Variants in ALKBH8 observed in about 807,000 individuals in gnomAD.
The protein encoded by ALKBH8 is tRNA (carboxymethyluridine(34)-5-O)-methyltransferase ALKBH8.
In ALKBH8, 36 loss-of-function variants were observed where a neutral mutation model predicts 59.8. The observed-to-expected ratio is 0.60, with a 90% CI of 0.46 to 0.79. The LOEUF (loss-of-function observed/expected upper bound fraction) is 0.79, where lower values mean the gene tolerates loss of function less well. Ranked by LOEUF, ALKBH8 falls within the 30% of genes least tolerant of loss-of-function variation. The pLI, the probability that ALKBH8 is intolerant of heterozygous loss-of-function variation, is 0.00. For missense variants in ALKBH8, 768 were observed against 801.0 expected, an observed-to-expected ratio of 0.96 and a Z score of 0.50; for synonymous variants, 276 against 273.6, an observed-to-expected ratio of 1.01 and a Z score of -0.09.
At chr11:107,561,428 G>A (rs77687672) in intron 1 of ALKBH8, among the ~76,000 whole-genome samples, 8,716 of 151,930 alleles carry the variant, frequency 0.057, 771 homozygotes, top group African/African-American at 0.19. Context: ...TCAGGAGAGA[G>A]GCTATTTCTG....
intron 4 of ALKBH8, among the ~76,000 whole-genome samples, chr11:107,553,514 C>G (rs11212281): frequency 0.037 from 5,556 of 152,164 alleles, 147 homozygotes; most frequent in Middle Eastern, 0.071. Flanking sequence ...CCAGGAAGCT[C>G]TCACTATATT....
At chr11:107,544,068 C>T (rs1864153776) in intron 7 of ALKBH8, among the ~76,000 whole-genome samples, 1 of 152,164 alleles carries the variant, frequency 6.6e-6, no homozygotes, top group African/African-American at 2.4e-5. Context: ...TTCATCTATA[C>T]CACTTAAGCG....
intron 6 of ALKBH8, among the ~76,000 whole-genome samples, chr11:107,550,586 C>T (rs1192930640): frequency 2.6e-5 from 4 of 152,178 alleles, no homozygotes; most frequent in Admixed American, 6.5e-5. Flanking sequence ...TCAGTTGTCT[C>T]GCTGTGCTAG....
intron 7 of ALKBH8, among the ~76,000 whole-genome samples, chr11:107,533,612 C>T (rs989805632): frequency 1.3e-5 from 2 of 152,058 alleles, no homozygotes; most frequent in Non-Finnish European, 1.5e-5. Context: ...TGAAAGCATT[C>T]GAAACACCGG....
At chr11:107,512,398 C>T (rs1862673201) in intron 10 of ALKBH8, among the ~76,000 whole-genome samples, 2 of 152,102 alleles carry the variant, frequency 1.3e-5, no homozygotes, top group South Asian at 2.1e-4. Flanking sequence ...ACGGCAGCCT[C>T]CACCTCCCAG....
At chr11:107,552,010 T>TA in intron 5 of ALKBH8, 98 bp from the exon 6 acceptor site, 1 of 570,170 alleles carries the variant, frequency 1.8e-6, no homozygotes. Context: ...TCTCTGAGCT[T>TA]TTAATTTAGC....
rs544479109 is a variant in ALKBH8, at chr11:107,538,110, T to A, written c.772-5704A>T. ...TCTTCATATGCTTACAAAGCCCCCA[T>A]CTTGATCAGATAAATATTCGCTCCT... On this transcript the variant is annotated intron_variant, in intron 7 of 11. Coordinates refer to ENST00000428149, the MANE Select transcript of ALKBH8 (RefSeq NM_138775.3). 8.9e-4 allele frequency among the ~76,000 whole-genome samples: 135 copies of A among 152,206 alleles called. 3 individuals carry two copies. In the Middle Eastern group the frequency reaches 0.027, roughly 31 times the overall value.
Position 107,525,586 on chromosome 11 carries a change from C to G in ALKBH8, c.885G>C (p.Thr295=). The G allele has an allele frequency of 2.2e-6, 3 of 1,379,602 alleles. No homozygotes were observed. The highest frequency in any genetic ancestry group is 3.0e-5 in the East Asian group (1 of 33,688). The allele number at this position is 1,379,602 out of a possible 1,614,324, so 85.5% of individuals were successfully genotyped here. A position where few individuals can be genotyped will look rare whatever the true frequency, so the allele number is the denominator to read the frequency against. The change falls in exon 9 of 12, where the codon ACG becomes ACC. Residue 295 remains threonine, a synonymous_variant. Coordinates refer to ENST00000428149, the MANE Select transcript of ALKBH8 (RefSeq NM_138775.3). ...ESRYLWTHGI[T]CRKFDTVQAS... The stretch of plus-strand genomic sequence containing the variant: ...CTTGAACAGTATCAAATTTTCTGCA[C>G]GTGATTCTAAAAACAATAGTCAAAA...
chr11:107,503,716 C>T lies in ALKBH8; in HGVS notation c.*942G>A, dbSNP rs1027954895. On this transcript the variant is annotated 3_prime_UTR_variant, in exon 12 of 12. Coordinates refer to ENST00000428149, the MANE Select transcript of ALKBH8 (RefSeq NM_138775.3). ...GACACCACAGCTTTGGCTCTAAGGG[C>T]ACAGTTAGGTCTGAGTGACCACATT... The T allele has an allele frequency of 3.9e-5, 6 of 152,132 alleles. No homozygotes were observed. The highest frequency in any genetic ancestry group is 1.4e-4 in the African/African-American group (6 of 41,438). 9.4% of individuals were successfully genotyped at this position (152,132 alleles called of 1,614,324 possible).
intron 1 of ALKBH8, among the ~76,000 whole-genome samples, chr11:107,562,085 G>T (rs1399042699): frequency 6.6e-6 from 1 of 152,072 alleles, no homozygotes; most frequent in Non-Finnish European, 1.5e-5. Flanking sequence ...ATCACTTGAG[G>T]TCAGGAGTTC....
intron 4 of ALKBH8, 96 bp downstream of exon 4, chr11:107,553,751 A>C: frequency 7.3e-7 from 1 of 1,361,912 alleles, no homozygotes; most frequent in Non-Finnish European, 9.9e-7. Context: ...AGTTTCAGTA[A>C]TTTTGAGGAA....
At chr11:107,511,702 AAGTAGCT>A (rs59000251) in intron 10 of ALKBH8, among the ~76,000 whole-genome samples, 2,005 of 151,944 alleles carry the variant, frequency 0.013, 23 homozygotes, top group South Asian at 0.034. Flanking sequence ...TCAGCCTCCT[AAGTAGCT>A]AGGATTACAG....
chr11:107,554,671 T>G (rs1167917512), intron 3 of ALKBH8, among the ~76,000 whole-genome samples: 1 of 152,218 alleles, frequency 6.6e-6, no homozygotes, highest in Non-Finnish European at 1.5e-5. Context: ...ATCTTTGAAT[T>G]ATTTAATTCA....
chr11:107,559,751 G>A (rs964199055), intron 2 of ALKBH8, among the ~76,000 whole-genome samples: 1 of 152,028 alleles, frequency 6.6e-6, no homozygotes, highest in East Asian at 1.9e-4. Context: ...TCCAAGTATG[G>A]GCCTTTTACC....
At chr11:107,544,815 C>CCACACACACACACA (rs5794557) in intron 7 of ALKBH8, among the ~76,000 whole-genome samples, 2 of 138,454 alleles carry the variant, frequency 1.4e-5, no homozygotes, top group African/African-American at 5.4e-5. Context: ...TAGATACAAA[C>CCACACACACACACA]CACACACACA....
At chr11:107,517,055 CA>C (rs1862893573) in intron 10 of ALKBH8, among the ~76,000 whole-genome samples, 2 of 151,920 alleles carry the variant, frequency 1.3e-5, no homozygotes, top group Admixed American at 6.6e-5. Flanking sequence ...AAAACAAAAA[CA>C]AAAATATATA....
At chr11:107,539,122 C>A (rs1053972354) in intron 7 of ALKBH8, among the ~76,000 whole-genome samples, 1 of 152,146 alleles carries the variant, frequency 6.6e-6, no homozygotes, top group Non-Finnish European at 1.5e-5. Context: ...AAAGGTGATA[C>A]CCGCAGAAGT....
chr11:107,514,324 A>T lies in ALKBH8; in HGVS notation c.1288-3288T>A, dbSNP rs180848978. On this transcript the variant is annotated intron_variant, in intron 10 of 11. Transcript: ENST00000428149. ...AATTCACAATAAAAGAATGGAAATT[A>T]AAAAAAATTCTTACTGAGTTAAATC... 1.1e-4 allele frequency among the ~76,000 whole-genome samples: 17 copies of T among 152,242 alleles called. No homozygotes were observed. The South Asian group carries it at 1.5e-3, about 13-fold the overall frequency.
In ALKBH8 at chr11:107,511,823, G is replaced by A. The variant is rs548308566; in HGVS notation, c.1288-787C>T. ...ACTCCCATCCTCAGGTGATCTGCCC[G>A]CCTCAGCCTCCCAAAGTGCTGGGAT... On this transcript the variant is annotated intron_variant, in intron 10 of 11. Coordinates refer to ENST00000428149, the MANE Select transcript of ALKBH8 (RefSeq NM_138775.3). Among the ~76,000 whole-genome samples, 9 of 152,136 alleles carry A rather than the reference G, an allele frequency of 5.9e-5. No homozygotes were observed. The East Asian group carries it at 1.4e-3, about 23-fold the overall frequency.
Sources: gnomAD v4.1 joint callset for allele counts (sites outside exome capture counted in the v4.1 genomes callset) on GRCh38, gnomAD v4.1.1 for gene constraint, MANE v1.5 for transcripts, NCBI Gene and HGNC (gene_info 2026-07-23, HGNC 2026-07-21) for gene names.